Variants in ATOX1 observed in about 807,000 individuals in gnomAD.
ATOX1 encodes copper transport protein ATOX1.
In ATOX1, 4 loss-of-function variants were observed where a neutral mutation model predicts 7.3. That is an observed-to-expected ratio of 0.55 (90% confidence interval 0.27 to 1.25). ATOX1 has a LOEUF of 1.25. ATOX1 is among the 50% of genes most tolerant of loss of function. ATOX1 has a pLI of 0.12. For missense variants in ATOX1, 68 were observed against 81.6 expected (o/e 0.83, Z 0.64); for synonymous variants, 25 against 28.7 (o/e 0.87, Z 0.41).
At chr5:151,755,571 G>A (rs988610895) in intron 1 of ATOX1, among the ~76,000 whole-genome samples, 4 of 152,130 alleles carry the variant, frequency 2.6e-5, no homozygotes, top group African/African-American at 9.7e-5. Context: ...TGCTGCCCAA[G>A]GACCTAAAGT....
At chr5:151,750,460 C>A (rs1461310986) in intron 2 of ATOX1, among the ~76,000 whole-genome samples, 1 of 136,148 alleles carries the variant, frequency 7.3e-6, no homozygotes, top group African/African-American at 2.8e-5. Flanking sequence ...GAGCTGAGAT[C>A]ATGCCACTGC....
At position 151,751,793 on chromosome 5, in the gene ATOX1, A is replaced by T; in HGVS notation, c.7-14T>A. On this transcript the variant is annotated splice_polypyrimidine_tract_variant and intron_variant, in intron 1 of 3. Coordinates refer to ENST00000313115, the MANE Select transcript of ATOX1 (RefSeq NM_004045.4). The stretch of plus-strand genomic sequence containing the variant: ...GAACTCGTGCTTCTGAAACAAACAC[A>T]GGGGGACCATGACCCGAGCCCTGTA... 1 of 1,599,140 alleles carries T rather than the reference A, an allele frequency of 6.3e-7. No individual in the cohort carries two copies. The highest frequency in any genetic ancestry group is 8.5e-7 in the Non-Finnish European group (1 of 1,172,998).
intron 2 of ATOX1, among the ~76,000 whole-genome samples, chr5:151,747,156 C>T (rs1372379470): frequency 6.6e-6 from 1 of 151,736 alleles, no homozygotes; most frequent in East Asian, 1.9e-4. Flanking sequence ...CTAGAGATCA[C>T]TGTGAACAGT....
intron 2 of ATOX1, among the ~76,000 whole-genome samples, chr5:151,747,336 A>AGT (rs1761891266): frequency 6.6e-6 from 1 of 152,092 alleles, no homozygotes; most frequent in Non-Finnish European, 1.5e-5. Context: ...TACAGGCTGG[A>AGT]GTGCAGTGGC....
At chr5:151,746,173 C>A in intron 3 of ATOX1, 106 bp downstream of exon 3, 1 of 1,040,812 alleles carries the variant, frequency 9.6e-7, no homozygotes, top group Non-Finnish European at 1.3e-6. Context: ...TGAAAAGAAC[C>A]CAGAGGGCTC....
chr5:151,749,599 G>T (rs1253690936), intron 2 of ATOX1, among the ~76,000 whole-genome samples: 10 of 150,000 alleles, frequency 6.7e-5, no homozygotes, highest in African/African-American at 2.5e-4. Context: ...GCAGGTTGCA[G>T]TGAGCAGAGA....
intron 1 of ATOX1, 119 bp from the exon 2 acceptor site, chr5:151,751,898 T>A (rs1269115872): frequency 1.0e-6 from 1 of 987,136 alleles, no homozygotes; most frequent in Non-Finnish European, 1.5e-6. Flanking sequence ...AGGACCTGGT[T>A]GGCATCAGAC....
In ATOX1 at chr5:151,758,607, C is replaced by T. The variant is rs964824694; in HGVS notation, c.-56G>A. The T allele has an allele frequency of 6.5e-6, 9 of 1,374,912 alleles. No homozygotes were observed. The highest frequency in any genetic ancestry group is 7.6e-6 in the Non-Finnish European group (8 of 1,055,990). The allele number at this position is 1,374,912 out of a possible 1,614,324, so 85.2% of individuals were successfully genotyped here. A position where few individuals can be genotyped will look rare whatever the true frequency, so the allele number is the denominator to read the frequency against. ...TGGCGGCGGTGTCAGCAGCGCCTCT[C>T]TGGATTCGGAGGGCGGGTTCGGCTG... is the stretch of plus-strand genomic sequence containing the variant. On this transcript the variant is annotated 5_prime_UTR_variant, in exon 1 of 4. Coordinates refer to ENST00000313115, the MANE Select transcript of ATOX1 (RefSeq NM_004045.4).
intron 2 of ATOX1, among the ~76,000 whole-genome samples, chr5:151,747,656 A>G (rs544950629): frequency 1.3e-5 from 2 of 151,148 alleles, no homozygotes; most frequent in East Asian, 3.9e-4. Context: ...GCACAATCTC[A>G]GCTCATTGTA....
chr5:151,754,768 G>A (rs1293708517), intron 1 of ATOX1, among the ~76,000 whole-genome samples: 4 of 151,842 alleles, frequency 2.6e-5, no homozygotes, highest in African/African-American at 4.8e-5. Flanking sequence ...GGAGGATCAC[G>A]AGGTCAAGAG....
intron 2 of ATOX1, 47 bp from the exon 3 acceptor site, chr5:151,746,496 C>A (rs753815304): frequency 4.3e-6 from 7 of 1,609,312 alleles, no homozygotes; most frequent in Admixed American, 1.7e-5. Context: ...CACAGACCCT[C>A]CCAGTTACAG....
intron 1 of ATOX1, among the ~76,000 whole-genome samples, chr5:151,757,078 C>T (rs1762027635): frequency 6.6e-6 from 1 of 152,228 alleles, no homozygotes; most frequent in Non-Finnish European, 1.5e-5. Flanking sequence ...TCAGGTAACA[C>T]ACTCTTCCCC....
At chr5:151,744,421 AAT>A (rs1194704493) in intron 3 of ATOX1, 6 of 152,270 alleles carry the variant, frequency 3.9e-5, no homozygotes, top group Admixed American at 1.3e-4. Context: ...AATGGGTTAA[AAT>A]AGTTATTATG....
chr5:151,758,524 C>A (rs978336203), intron 1 of ATOX1, 22 bp downstream of exon 1: 6 of 1,472,754 alleles, frequency 4.1e-6, no homozygotes, highest in Non-Finnish European at 5.4e-6. Flanking sequence ...GTCTGCGTGG[C>A]GGGGACGGCG....
intron 3 of ATOX1, chr5:151,743,738 C>A (rs1040357406): frequency 2.0e-5 from 3 of 152,114 alleles, no homozygotes; most frequent in Non-Finnish European, 4.4e-5. Context: ...AGGGCTCCCC[C>A]ACATGGATAC....
At chr5:151,750,034 T>A (rs1761927705) in intron 2 of ATOX1, among the ~76,000 whole-genome samples, 1 of 152,182 alleles carries the variant, frequency 6.6e-6, no homozygotes, top group Non-Finnish European at 1.5e-5. Context: ...TTTAGGGTTT[T>A]AAAAAAGAAA....
At chr5:151,755,073 G>T (rs1761997687) in intron 1 of ATOX1, among the ~76,000 whole-genome samples, 1 of 151,238 alleles carries the variant, frequency 6.6e-6, no homozygotes, top group Non-Finnish European at 1.5e-5. Context: ...GAGTTGAGTA[G>T]TTGTACCAGA....
chr5:151,750,148 G>A (rs1315778481), intron 2 of ATOX1, among the ~76,000 whole-genome samples: 2 of 152,234 alleles, frequency 1.3e-5, no homozygotes, highest in Admixed American at 1.3e-4. Flanking sequence ...TCACAACTCA[G>A]TTATTACCTC....
intron 2 of ATOX1, 122 bp downstream of exon 2, chr5:151,751,582 G>T: frequency 1.0e-6 from 1 of 953,352 alleles, no homozygotes. Context: ...GTTGGCACGT[G>T]CTAAGTACTC....
Sources: gnomAD v4.1 joint callset for allele counts (sites outside exome capture counted in the v4.1 genomes callset) on GRCh38, gnomAD v4.1.1 for gene constraint, MANE v1.5 for transcripts, NCBI Gene and HGNC (gene_info 2026-07-23, HGNC 2026-07-21) for gene names.